The following ALK variants were observed in gnomAD, a reference collection of about 807,000 sequenced individuals.
ALK encodes ALK receptor tyrosine kinase.
Under a neutral mutation model 163.1 loss-of-function variants are expected in ALK, and 74 were observed. The ratio of observed to expected loss-of-function variants is 0.45; its 90% confidence interval spans 0.38 to 0.55. The LOEUF (loss-of-function observed/expected upper bound fraction) is 0.55, where lower values mean the gene tolerates loss of function less well. ALK is among the 20% of genes least tolerant of loss of function. The pLI is 0.00. For missense variants in ALK, 2,063 were observed against 2,105.3 expected, an observed-to-expected ratio of 0.98 and a Z score of 0.39; for synonymous variants, 960 against 843.2, an observed-to-expected ratio of 1.14 and a Z score of -2.40.
intron 13 of ALK, among the ~76,000 whole-genome samples, chr2:29,236,655 C>A (rs751434680): frequency 1.3e-5 from 2 of 152,162 alleles, no homozygotes; most frequent in Non-Finnish European, 2.9e-5. Flanking sequence ...GCCCTTTCCT[C>A]ACATGACTTC....
At chr2:29,716,048 G>C (rs1679244914) in intron 2 of ALK, among the ~76,000 whole-genome samples, 1 of 152,156 alleles carries the variant, frequency 6.6e-6, no homozygotes, top group African/African-American at 2.4e-5. Flanking sequence ...GAGACAGCAG[G>C]CTTTGGACTG....
chr2:29,872,443 T>C (rs1246297779), intron 1 of ALK, among the ~76,000 whole-genome samples: 1 of 152,232 alleles, frequency 6.6e-6, no homozygotes, highest in Non-Finnish European at 1.5e-5. Context: ...CAAAAGTGCA[T>C]TTAATACAAC....
At chr2:29,594,799 G>A (rs1313601664) in intron 3 of ALK, among the ~76,000 whole-genome samples, 1 of 149,164 alleles carries the variant, frequency 6.7e-6, no homozygotes, top group East Asian at 2.0e-4. Flanking sequence ...TGGGTATAGT[G>A]TGGCTATAGG....
chr2:29,291,556 A>G (rs964356422), intron 9 of ALK, among the ~76,000 whole-genome samples: 1 of 152,182 alleles, frequency 6.6e-6, no homozygotes, highest in Non-Finnish European at 1.5e-5. Flanking sequence ...TAATTATAAT[A>G]TCTACCCCAA....
chr2:29,905,455 T>C (rs763082916), intron 1 of ALK, among the ~76,000 whole-genome samples: 3 of 152,134 alleles, frequency 2.0e-5, no homozygotes, highest in Non-Finnish European at 1.5e-5. Context: ...TTGTGCTTCA[T>C]GACATTTTTC....
chr2:29,745,061 C>T (rs1033174323), intron 1 of ALK, among the ~76,000 whole-genome samples: 1 of 152,156 alleles, frequency 6.6e-6, no homozygotes, highest in Non-Finnish European at 1.5e-5. Flanking sequence ...AGTGAGGAAT[C>T]GATTTTCACT....
At chr2:29,262,743 A>G (rs1307523512) in intron 11 of ALK, among the ~76,000 whole-genome samples, 1 of 152,216 alleles carries the variant, frequency 6.6e-6, no homozygotes, top group Admixed American at 6.5e-5. Flanking sequence ...CCCCATCAAC[A>G]GGGCAGCAAG....
In ALK at chr2:29,829,009, T is replaced by G. The variant is rs1572414123; in HGVS notation, c.667+90984A>C. 2.0e-5 allele frequency among the ~76,000 whole-genome samples: 3 copies of G among 151,904 alleles called. No homozygotes were observed. The East Asian group carries it at 5.8e-4, about 29-fold the overall frequency. ...CATAAAAAATGATGAGTTCATGTCC[T>G]TTGTAGGGGCATGGATGAAGCTGGA... On this transcript the variant is annotated intron_variant, in intron 1 of 28. Coordinates refer to ENST00000389048, the MANE Select transcript of ALK (RefSeq NM_004304.5).
At chr2:29,230,287 ATCTT>A (rs1413361344) in intron 15 of ALK, among the ~76,000 whole-genome samples, 5 of 84,254 alleles carry the variant, frequency 5.9e-5, no homozygotes, top group African/African-American at 1.7e-4. Context: ...AGACACAATC[ATCTT>A]TTTTTTTTTT....
At chr2:29,705,276 TATATAA>T (rs1277426628) in intron 2 of ALK, among the ~76,000 whole-genome samples, 2,911 of 48,520 alleles carry the variant, frequency 0.06, 389 homozygotes, top group African/African-American at 0.09. Flanking sequence ...TATATATATA[TATATAA>T]ATATATATCT....
chr2:29,857,998 ATC>A (rs1189265070), intron 1 of ALK, among the ~76,000 whole-genome samples: 1 of 152,162 alleles, frequency 6.6e-6, no homozygotes, highest in Non-Finnish European at 1.5e-5. Flanking sequence ...CATTGATACA[ATC>A]CAACAACCTT....
At chr2:29,778,123 A>G (rs1681229379) in intron 1 of ALK, among the ~76,000 whole-genome samples, 1 of 152,228 alleles carries the variant, frequency 6.6e-6, no homozygotes, top group Non-Finnish European at 1.5e-5. Context: ...GGGAGTCCTC[A>G]GGACAGGACA....
chr2:29,776,225 T>TA (rs58918857), intron 1 of ALK, among the ~76,000 whole-genome samples: 3,135 of 130,580 alleles, frequency 0.024, 50 homozygotes, highest in African/African-American at 0.058. Context: ...GGAATTTTGT[T>TA]AAAAAAAAAA....
At chr2:29,676,808 T>C (rs780900608) in intron 3 of ALK, among the ~76,000 whole-genome samples, 1 of 152,062 alleles carries the variant, frequency 6.6e-6, no homozygotes, top group Non-Finnish European at 1.5e-5. Context: ...TTATCTTTAA[T>C]TTCAGCAATA....
Position 29,193,668 on chromosome 2 carries a change from C to G in ALK, c.4419G>C (p.Gly1473=), listed in dbSNP as rs752227509. 61 of 1,613,964 alleles carry G rather than the reference C, an allele frequency of 3.8e-5. No individual in the cohort carries two copies. The highest frequency in any genetic ancestry group is 4.6e-5 in the Non-Finnish European group (54 of 1,179,942). The part of the protein sequence containing the change: ...VRVPRGPAVE[G]GHVNMAFSQS... ...GAGAGAATGCCATATTCACGTGTCC[C>G]CCTTCCACGGCCGGCCCTCTAGGGA... Residue 1473 remains glycine, a synonymous_variant, in exon 29 of 29, where the codon GGG becomes GGC. Coordinates refer to ENST00000389048, the MANE Select transcript of ALK (RefSeq NM_004304.5).
chr2:29,803,019 A>G (rs1664525057), intron 1 of ALK, among the ~76,000 whole-genome samples: 1 of 152,216 alleles, frequency 6.6e-6, no homozygotes, highest in South Asian at 2.1e-4. Context: ...AAGTAGTTAC[A>G]ATGTATTCAA....
At chr2:29,723,048 C>A in intron 1 of ALK, among the ~76,000 whole-genome samples, 1 of 152,114 alleles carries the variant, frequency 6.6e-6, no homozygotes, top group Non-Finnish European at 1.5e-5. Flanking sequence ...CAAAGAGGGC[C>A]CCCCTTCAGT....
At chr2:29,595,855 T>C (rs1386279619) in intron 3 of ALK, among the ~76,000 whole-genome samples, 1 of 152,174 alleles carries the variant, frequency 6.6e-6, no homozygotes, top group Non-Finnish European at 1.5e-5. Flanking sequence ...TTTCTGAAGC[T>C]GAGAGAATTC....
rs190855682 is a variant in ALK at position 29,894,193 on chromosome 2, C to T, written c.667+25800G>A. On this transcript the variant is annotated intron_variant, in intron 1 of 28. Coordinates refer to ENST00000389048, the MANE Select transcript of ALK (RefSeq NM_004304.5). Reference sequence around the variant, plus strand: ...ATCTGCAAACTCTGAGGGCAGGGGCCATGTCTGTTTCCTTCACAGTGCCTG... The same window carrying T: ...ATCTGCAAACTCTGAGGGCAGGGGCTATGTCTGTTTCCTTCACAGTGCCTG... Among the ~76,000 whole-genome samples, 37 of 152,284 alleles carry T rather than the reference C, an allele frequency of 2.4e-4. No homozygotes were observed. The East Asian group carries it at 7.0e-3, about 29-fold the overall frequency.
Sources: gnomAD v4.1 joint callset for allele counts (sites outside exome capture counted in the v4.1 genomes callset) on GRCh38, gnomAD v4.1.1 for gene constraint, MANE v1.5 for transcripts, NCBI Gene and HGNC (gene_info 2026-07-23, HGNC 2026-07-21) for gene names.